The following PDCD10 variants were observed in gnomAD, a reference collection of about 807,000 sequenced individuals.
PDCD10 encodes the protein programmed cell death 10, also known as programmed cell death protein 10.
Under a neutral mutation model 29.2 loss-of-function variants are expected in PDCD10, and 4 were observed. The observed-to-expected ratio is 0.14, with a 90% CI of 0.07 to 0.31. The LOEUF (loss-of-function observed/expected upper bound fraction) is 0.31, where lower values mean the gene tolerates loss of function less well. Among genes scored for constraint, PDCD10 ranks in the 10% least tolerant of loss-of-function variants. The pLI, the probability that PDCD10 is intolerant of heterozygous loss-of-function variation, is 1.00. For missense variants in PDCD10, 183 were observed against 257.9 expected, an observed-to-expected ratio of 0.71 and a Z score of 1.99; for synonymous variants, 70 against 82.2, an observed-to-expected ratio of 0.85 and a Z score of 0.80.
At chr3:167,703,197 C>T (rs1041883907) in intron 4 of PDCD10, among the ~76,000 whole-genome samples, 11 of 152,018 alleles carry the variant, frequency 7.2e-5, no homozygotes, top group Non-Finnish European at 1.6e-4. Context: ...CACAAAGATG[C>T]TTAAGATAGC....
Position 167,684,313 on chromosome 3 carries a change from C to T in PDCD10, c.634G>A (p.Ala212Thr). ...TCTCTTAACATATACAACTTTCAGG[C>T]CACAGTTTTGAAGGTCTGAAGTATT... is the stretch of plus-strand genomic sequence containing the variant. Reference protein sequence around the residue: ...NLILQTFKTVA With the variant: ...NLILQTFKTVT Residue 212 changes from alanine to threonine, a missense_variant, in exon 9 of 9, where the codon GCC becomes ACC. Transcript: ENST00000392750. 2 of 1,581,002 alleles carry T rather than the reference C, an allele frequency of 1.3e-6. No individual in the cohort carries two copies. The highest frequency in any genetic ancestry group is 2.2e-5 in the South Asian group (2 of 90,400).
intron 3 of PDCD10, among the ~76,000 whole-genome samples, chr3:167,717,115 G>C (rs1216739753): frequency 6.6e-6 from 1 of 151,980 alleles, no homozygotes; most frequent in African/African-American, 2.4e-5. Flanking sequence ...CTCCACAGCA[G>C]CTGATTAAAC....
intron 3 of PDCD10, among the ~76,000 whole-genome samples, chr3:167,714,642 C>T (rs1207350562): frequency 1.3e-5 from 2 of 151,450 alleles, no homozygotes; most frequent in Non-Finnish European, 3.0e-5. Context: ...TTCTATATGC[C>T]GACAGTGAAA....
At chr3:167,708,148 A>G (rs938892783) in intron 3 of PDCD10, among the ~76,000 whole-genome samples, 1 of 152,172 alleles carries the variant, frequency 6.6e-6, no homozygotes, top group Non-Finnish European at 1.5e-5. Flanking sequence ...ACTTATAAAA[A>G]TATTTTAAAA....
At chr3:167,707,665 G>A (rs1433314285) in intron 3 of PDCD10, among the ~76,000 whole-genome samples, 7 of 152,076 alleles carry the variant, frequency 4.6e-5, no homozygotes, top group African/African-American at 1.2e-4. Context: ...GCGACAGAGC[G>A]AGACTCTCCA....
intron 8 of PDCD10, among the ~76,000 whole-genome samples, chr3:167,686,320 T>C (rs747615614): frequency 1.4e-4 from 22 of 152,204 alleles, no homozygotes; most frequent in Non-Finnish European, 2.8e-4. Context: ...TAATGTCCAA[T>C]TTACATTTTA....
At position 167,700,284 on chromosome 3, in the gene PDCD10, A is replaced by G. The variant is rs1216810488; in HGVS notation, c.151-3158T>C. Among the ~76,000 whole-genome samples, 11 of 152,182 alleles carry G rather than the reference A, an allele frequency of 7.2e-5. No individual in the cohort carries two copies. The East Asian group carries it at 2.1e-3, about 29-fold the overall frequency. On this transcript the variant is annotated intron_variant, in intron 4 of 8. Coordinates refer to ENST00000392750, the MANE Select transcript of PDCD10 (RefSeq NM_007217.4). ...TCTCCAGCAAACTGCACATCCCAGT[A>G]CAAAGTAATACCTCCCAGCCCTCAC...
At chr3:167,689,295 A>G (rs1369448899) in intron 6 of PDCD10, among the ~76,000 whole-genome samples, 1 of 152,218 alleles carries the variant, frequency 6.6e-6, no homozygotes, top group Admixed American at 6.5e-5. Flanking sequence ...GAAAAATTAC[A>G]ATTTCAACAA....
At chr3:167,702,597 T>C (rs1357686789) in intron 4 of PDCD10, among the ~76,000 whole-genome samples, 1 of 152,184 alleles carries the variant, frequency 6.6e-6, no homozygotes, top group East Asian at 1.9e-4. Flanking sequence ...GTTAACTGTA[T>C]ATACATTAAA....
chr3:167,695,778 A>C, intron 5 of PDCD10, 56 bp from the exon 6 acceptor site: 1 of 1,552,032 alleles, frequency 6.4e-7, no homozygotes. Flanking sequence ...CAAATTCATC[A>C]CATCTAAGAA....
chr3:167,732,085 T>C (rs1460011793), intron 2 of PDCD10, among the ~76,000 whole-genome samples: 1 of 152,160 alleles, frequency 6.6e-6, no homozygotes, highest in Non-Finnish European at 1.5e-5. Flanking sequence ...AAGAAGGTAA[T>C]AGTATTTGAA....
chr3:167,695,760 C>T, intron 5 of PDCD10, 38 bp from the exon 6 acceptor site: 1 of 1,603,446 alleles, frequency 6.2e-7, no homozygotes. Flanking sequence ...CATCCTGCGA[C>T]TCTCTGCCAA....
At chr3:167,700,069 G>C (rs1721228604) in intron 4 of PDCD10, among the ~76,000 whole-genome samples, 1 of 152,128 alleles carries the variant, frequency 6.6e-6, no homozygotes, top group Non-Finnish European at 1.5e-5. Flanking sequence ...GTTATTTGCA[G>C]TTAAAAGAAA....
At chr3:167,684,484 G>GAAA (rs762387951) in intron 8 of PDCD10, 95 bp from the exon 9 acceptor site, 8 of 517,150 alleles carry the variant, frequency 1.5e-5, no homozygotes, top group South Asian at 2.1e-5. Context: ...ATCAATTTTA[G>GAAA]AAAAAAAAAA....
intron 4 of PDCD10, among the ~76,000 whole-genome samples, chr3:167,698,614 ATGTG>A (rs2108415619): frequency 6.6e-6 from 1 of 152,342 alleles, no homozygotes; most frequent in East Asian, 1.9e-4. Flanking sequence ...ATGGCTTAAG[ATGTG>A]TTGTTATAGC....
At chr3:167,715,904 G>T (rs1161430098) in intron 3 of PDCD10, among the ~76,000 whole-genome samples, 1 of 151,912 alleles carries the variant, frequency 6.6e-6, no homozygotes, top group Non-Finnish European at 1.5e-5. Flanking sequence ...TCTGGTACCA[G>T]CAATCCCAAT....
intron 5 of PDCD10, among the ~76,000 whole-genome samples, chr3:167,696,590 T>TA (rs1720835092): frequency 6.6e-6 from 1 of 152,192 alleles, no homozygotes. Flanking sequence ...ATGGTTATAT[T>TA]ATTCTCTTAA....
At chr3:167,720,335 T>C (rs1260499595) in intron 2 of PDCD10, 62 bp from the exon 3 acceptor site, 8 of 571,482 alleles carry the variant, frequency 1.4e-5, no homozygotes, top group Non-Finnish European at 2.2e-5. Context: ...CAAATACCAA[T>C]AATTTTCCTT....
intron 6 of PDCD10, among the ~76,000 whole-genome samples, chr3:167,692,789 G>A (rs1720393324): frequency 6.6e-6 from 1 of 152,220 alleles, no homozygotes; most frequent in African/African-American, 2.4e-5. Flanking sequence ...ATGGTGGCGG[G>A]CGCCTGTAGT....
Sources: allele counts gnomAD v4.1 joint callset (sites outside exome capture counted in the v4.1 genomes callset), GRCh38; gene constraint gnomAD v4.1.1; transcripts MANE v1.5; gene names NCBI Gene and HGNC (gene_info 2026-07-23, HGNC 2026-07-21).